The following LARGE1 variants were observed in gnomAD, a reference collection of about 807,000 sequenced individuals.
The protein encoded by LARGE1 is LARGE xylosyl- and glucuronyltransferase 1, also known as xylosyl- and glucuronyltransferase LARGE1.
LARGE1 carries 43 observed loss-of-function variants against 87.6 expected under a neutral mutation model. The ratio of observed to expected loss-of-function variants is 0.49; its 90% confidence interval spans 0.38 to 0.63. The LOEUF is 0.63. Among genes scored for constraint, LARGE1 ranks in the 30% least tolerant of loss-of-function variants. LARGE1 has a pLI of 0.00. For missense variants in LARGE1, 802 were observed against 1,000.2 expected (o/e 0.80, Z 2.67); for synonymous variants, 434 against 394.6 (o/e 1.10, Z -1.18).
chr22:33,094,163 TATC>T, the LARGE1 span, among the ~76,000 whole-genome samples: 2 of 152,108 alleles, frequency 1.3e-5, no homozygotes, highest in African/African-American at 4.8e-5. Context: ...CTTTCAGGGT[TATC>T]ATTTTCTGAG....
At chr22:33,535,822 C>G (rs747659922) in intron 6 of LARGE1, among the ~76,000 whole-genome samples, 2 of 152,072 alleles carry the variant, frequency 1.3e-5, no homozygotes, top group East Asian at 3.9e-4. Context: ...TCGGTTCCCC[C>G]GTCCCATCTG....
chr22:33,557,035 G>A (rs2077711594), intron 6 of LARGE1, among the ~76,000 whole-genome samples: 1 of 152,044 alleles, frequency 6.6e-6, no homozygotes, highest in South Asian at 2.1e-4. Context: ...GACATACAAA[G>A]AAAAGAAGGG....
chr22:33,628,891 T>C (rs2080015100), intron 3 of LARGE1, among the ~76,000 whole-genome samples: 1 of 151,740 alleles, frequency 6.6e-6, no homozygotes, highest in African/African-American at 2.4e-5. Flanking sequence ...CATCTGTGAG[T>C]AGAGGCCAGG....
chr22:33,816,689 TAGACAGACAGACAGACAGACAGACAGAC>T (rs1226644906), intron 1 of LARGE1, among the ~76,000 whole-genome samples: 1 of 132,364 alleles, frequency 7.6e-6, no homozygotes, highest in African/African-American at 2.7e-5. Context: ...GATAGATAGA[TAGACAGACAGACAGACAGACAGACAGAC>T]AGACAGACAG....
At chr22:33,267,110 T>C (rs1927993369) in intron 11 of LARGE1, among the ~76,000 whole-genome samples, 2 of 151,408 alleles carry the variant, frequency 1.3e-5, no homozygotes, top group African/African-American at 2.5e-5. Context: ...TGTGGTGGCG[T>C]TCGCCTGTAA....
At chr22:33,372,172 A>C (rs2064833934) in intron 9 of LARGE1, among the ~76,000 whole-genome samples, 1 of 152,104 alleles carries the variant, frequency 6.6e-6, no homozygotes, top group South Asian at 2.1e-4. Flanking sequence ...CATAAATATA[A>C]GTTGTTTTCA....
At chr22:33,115,326 C>T in the LARGE1 span, among the ~76,000 whole-genome samples, 1 of 152,090 alleles carries the variant, frequency 6.6e-6, no homozygotes, top group South Asian at 2.1e-4. Flanking sequence ...CGGCTGTAAT[C>T]CCAGCACTTT....
In LARGE1 at chr22:33,755,472, C is replaced by G. The variant is rs532341169; in HGVS notation, c.106+5899G>C. Among the ~76,000 whole-genome samples the G allele has an allele frequency of 1.1e-4, 17 of 152,274 alleles. No individual in the cohort carries two copies. The South Asian group carries it at 3.5e-3, about 32-fold the overall frequency. ...CTGAAAAGCACCCTTTTTCCACATG[C>G]TGATAAGTCTCTAATAGCCGAACAC... On this transcript the variant is annotated intron_variant, in intron 2 of 14. Transcript: ENST00000397394.
intron 6 of LARGE1, among the ~76,000 whole-genome samples, chr22:33,440,991 C>T (rs868100085): frequency 3.3e-5 from 5 of 151,920 alleles, no homozygotes; most frequent in Non-Finnish European, 7.4e-5. Context: ...GGAGCCAAAA[C>T]CAAAACTCTG....
chr22:33,633,202 T>C (rs2080162396), intron 3 of LARGE1, among the ~76,000 whole-genome samples: 1 of 152,178 alleles, frequency 6.6e-6, no homozygotes, highest in South Asian at 2.1e-4. Context: ...AATTTGATAG[T>C]TAACCAGGAG....
intron 3 of LARGE1, among the ~76,000 whole-genome samples, chr22:33,636,124 T>C (rs761277741): frequency 1.3e-5 from 2 of 152,140 alleles, no homozygotes; most frequent in Non-Finnish European, 2.9e-5. Flanking sequence ...ATAAAGAGCA[T>C]AGCCACCTGA....
intron 1 of LARGE1, among the ~76,000 whole-genome samples, chr22:33,809,843 T>C (rs557054032): frequency 1.4e-4 from 22 of 152,164 alleles, no homozygotes; most frequent in African/African-American, 5.1e-4. Flanking sequence ...TTTCAATGAC[T>C]GAAGTGAAAT....
chr22:33,408,879 C>T (rs187427071), intron 7 of LARGE1, among the ~76,000 whole-genome samples: 9 of 152,168 alleles, frequency 5.9e-5, no homozygotes, highest in African/African-American at 1.2e-4. Flanking sequence ...TATATTCGCC[C>T]GGCCACTCCA....
upstream of LARGE1, among the ~76,000 whole-genome samples, chr22:33,921,219 A>T (rs1195747210): frequency 6.6e-6 from 1 of 152,004 alleles, no homozygotes; most frequent in Non-Finnish European, 1.5e-5. This position sits in a 1 kb window ranked among gnomAD's most constrained non-coding sequence, Gnocchi z 4.1. Context: ...GTGCTTCTTC[A>T]GCTCGCTGGC....
Position 33,831,749 on chromosome 22 carries a change from T to TACACAC in LARGE1, c.-82-70197_-82-70192dup, listed in dbSNP as rs5845118. ...CTAACACAACACACACACATGCATGTACACACACACACACACACACACACA... is the reference window on the plus strand; with the variant it reads ...CTAACACAACACACACACATGCATGTACACACACACACACACACACACACACACACA... On this transcript the variant is annotated intron_variant, in intron 1 of 14. Coordinates refer to ENST00000397394, the MANE Select transcript of LARGE1 (RefSeq NM_133642.5). Among the ~76,000 whole-genome samples the TACACAC allele has an allele frequency of 9.5e-3, 1,402 of 146,844 alleles. 23 individuals carry two copies. The highest frequency in any genetic ancestry group is 0.031 in the African/African-American group (1,214 of 39,314).
At chr22:33,067,408 T>C in the LARGE1 span, among the ~76,000 whole-genome samples, 2 of 152,180 alleles carry the variant, frequency 1.3e-5, no homozygotes, top group African/African-American at 4.8e-5. Flanking sequence ...AAATAGTGTG[T>C]GTGATCTTAA....
chr22:33,426,559 T>C (rs5994741), intron 7 of LARGE1, among the ~76,000 whole-genome samples: 8,442 of 152,298 alleles, frequency 0.055, 318 homozygotes, highest in African/African-American at 0.11. Flanking sequence ...TTTATCCCAC[T>C]AAAGCTATTT....
At chr22:33,341,414 C>T (rs577766593) in intron 9 of LARGE1, among the ~76,000 whole-genome samples, 1 of 152,178 alleles carries the variant, frequency 6.6e-6, no homozygotes, top group Non-Finnish European at 1.5e-5. Flanking sequence ...TTGTTTCCCT[C>T]CTTTGGTTGG....
chr22:33,839,624 G>A (rs2063213221), intron 1 of LARGE1, among the ~76,000 whole-genome samples: 1 of 152,118 alleles, frequency 6.6e-6, no homozygotes. Flanking sequence ...CACAAAAACA[G>A]AACAACTAGT....
Sources: allele counts gnomAD v4.1 joint callset (sites outside exome capture counted in the v4.1 genomes callset), GRCh38; gene constraint gnomAD v4.1.1; non-coding constraint Gnocchi (gnomAD v3.1); transcripts MANE v1.5; gene names NCBI Gene and HGNC (gene_info 2026-07-23, HGNC 2026-07-21).